PTPRD: variants seen among roughly 807,000 people sequenced by gnomAD.
PTPRD encodes protein tyrosine phosphatase receptor type D, also known as receptor-type tyrosine-protein phosphatase delta.
PTPRD carries 34 observed loss-of-function variants against 214.5 expected under a neutral mutation model. That is an observed-to-expected ratio of 0.16 (90% CI 0.12 to 0.21). The LOEUF (loss-of-function observed/expected upper bound fraction) is 0.21, where lower values mean the gene tolerates loss of function less well. Ranked by LOEUF, PTPRD falls within the 10% of genes least tolerant of loss-of-function variation. The pLI, the probability that PTPRD is intolerant of heterozygous loss-of-function variation, is 1.00. For missense variants in PTPRD, 2,545 were observed against 2,398.7 expected, an observed-to-expected ratio of 1.06 and a Z score of -1.27; for synonymous variants, 1,128 against 845.7, an observed-to-expected ratio of 1.33 and a Z score of -5.79.
chr9:10,475,681 G>C (rs185489167), intron 2 of PTPRD, among the ~76,000 whole-genome samples: 10 of 152,080 alleles, frequency 6.6e-5, no homozygotes, highest in East Asian at 1.9e-4. Flanking sequence ...AACTAGTAAA[G>C]AAAATTTCAG....
intron 11 of PTPRD, among the ~76,000 whole-genome samples, chr9:8,966,969 T>TG (rs1305051581): frequency 1.3e-5 from 2 of 150,774 alleles, no homozygotes; most frequent in African/African-American, 2.4e-5. Context: ...AATAAGCCCA[T>TG]GAAAAAATGG....
intron 9 of PTPRD, among the ~76,000 whole-genome samples, chr9:9,339,798 T>C (rs1011670336): frequency 2.0e-5 from 3 of 152,134 alleles, no homozygotes; most frequent in Non-Finnish European, 4.4e-5. Flanking sequence ...CTCACTACTT[T>C]GAGACTATAG....
chr9:9,365,837 C>A (rs772901420), intron 9 of PTPRD, among the ~76,000 whole-genome samples: 2 of 151,212 alleles, frequency 1.3e-5, no homozygotes, highest in Non-Finnish European at 3.0e-5. Flanking sequence ...CTTAGAATAT[C>A]TAAACTCTAG....
intron 3 of PTPRD, among the ~76,000 whole-genome samples, chr9:10,112,603 C>T (rs1008712562): frequency 6.6e-6 from 1 of 152,028 alleles, no homozygotes; most frequent in African/African-American, 2.4e-5. Context: ...TTAACCCTGC[C>T]CAGGCCGTGG....
At chr9:9,881,125 CAAT>C (rs746888725) in intron 5 of PTPRD, among the ~76,000 whole-genome samples, 1 of 151,744 alleles carries the variant, frequency 6.6e-6, no homozygotes, top group Non-Finnish European at 1.5e-5. Flanking sequence ...AAACTTCACT[CAAT>C]AATTTTTTTA....
rs368361965 is a variant in PTPRD at position 9,975,468 on chromosome 9, C to T, written c.-471-36858G>A. ...TTTGCTGTGTTTCCAGGATTGAGAA[C>T]TGTTGAGCCACTCTGAGTGAGGACC... On this transcript the variant is annotated intron_variant, in intron 4 of 45. Coordinates refer to ENST00000381196, the MANE Select transcript of PTPRD (RefSeq NM_002839.4). Among the ~76,000 whole-genome samples the T allele has an allele frequency of 7.8e-4, 119 of 152,326 alleles. 3 individuals are homozygous for T. The South Asian group carries it at 0.024, about 31-fold the overall frequency.
chr9:9,434,938 T>G (rs1233866146), intron 8 of PTPRD, among the ~76,000 whole-genome samples: 1 of 150,428 alleles, frequency 6.6e-6, no homozygotes, highest in Non-Finnish European at 1.5e-5. Context: ...CTGTTTTCAT[T>G]AGACTTTGAT....
At chr9:8,356,463 C>T (rs978242227) in intron 39 of PTPRD, among the ~76,000 whole-genome samples, 2 of 152,138 alleles carry the variant, frequency 1.3e-5, no homozygotes, top group Non-Finnish European at 2.9e-5. Flanking sequence ...AGGCAGCCAA[C>T]ATTATTATTT....
intron 29 of PTPRD, among the ~76,000 whole-genome samples, chr9:8,485,022 G>C (rs937155832): frequency 1.3e-5 from 2 of 152,108 alleles, no homozygotes; most frequent in African/African-American, 4.8e-5. Flanking sequence ...TGCCAGCCCT[G>C]GATTTAAGCT....
At chr9:8,857,667 C>T in intron 11 of PTPRD, 1 of 159,060 alleles carries the variant, frequency 6.3e-6, no homozygotes, top group Non-Finnish European at 1.4e-5. Context: ...GCAGCCGCCG[C>T]CACCGCCTCC....
intron 4 of PTPRD, among the ~76,000 whole-genome samples, chr9:9,947,452 T>A (rs1451678492): frequency 2.6e-3 from 38 of 14,830 alleles, no homozygotes; most frequent in African/African-American, 0.013. Flanking sequence ...ATTTTATATA[T>A]TTTTATATAT....
intron 11 of PTPRD, among the ~76,000 whole-genome samples, chr9:8,767,034 G>C (rs951952473): frequency 2.0e-5 from 3 of 152,118 alleles, no homozygotes; most frequent in African/African-American, 7.2e-5. Flanking sequence ...TTAAGAAAAA[G>C]AGAAATAGAT....
intron 11 of PTPRD, among the ~76,000 whole-genome samples, chr9:8,759,612 TTTC>T (rs2094272731): frequency 2.1e-5 from 2 of 94,564 alleles, no homozygotes; most frequent in South Asian, 3.7e-4. Flanking sequence ...TCCTGTTACA[TTTC>T]TTTTTTTTTT....
intron 11 of PTPRD, among the ~76,000 whole-genome samples, chr9:9,001,497 T>C (rs1249897328): frequency 1.3e-5 from 2 of 151,996 alleles, no homozygotes; most frequent in African/African-American, 4.8e-5. Context: ...CTGCCTCATT[T>C]CCTTCAGGCA....
chr9:10,388,194 G>A (rs2097963327), intron 2 of PTPRD, among the ~76,000 whole-genome samples: 1 of 151,806 alleles, frequency 6.6e-6, no homozygotes, highest in African/African-American at 2.4e-5. Context: ...GCTATAATAT[G>A]GGTATTTGTA....
At chr9:10,306,485 C>A (rs1027299672) in intron 3 of PTPRD, among the ~76,000 whole-genome samples, 1 of 151,946 alleles carries the variant, frequency 6.6e-6, no homozygotes, top group Non-Finnish European at 1.5e-5. Flanking sequence ...AAATAGTTCT[C>A]ATTATTTTTC....
At chr9:10,276,986 C>A (rs1256526901) in intron 3 of PTPRD, among the ~76,000 whole-genome samples, 2 of 152,086 alleles carry the variant, frequency 1.3e-5, no homozygotes, top group Non-Finnish European at 2.9e-5. Flanking sequence ...CTGGATACCT[C>A]CCTCATGGCA....
rs569494278 is a variant in PTPRD, at chr9:10,248,963, T to A, written c.-545+92000A>T. On this transcript the variant is annotated intron_variant, in intron 3 of 45. Transcript: ENST00000381196. ...AGGGAATTCATATTTACCTAAGGGG[T>A]CAGTAATACGTAGTAGCCTAGAAGT... Among the ~76,000 whole-genome samples the A allele has an allele frequency of 6.2e-4, 95 of 152,032 alleles. 1 individual carries two copies. Among genetic ancestry groups the A allele is most frequent in the Non-Finnish European group, 4.4e-5 (3 of 67,982 alleles).
At chr9:8,978,350 T>G (rs1233896714) in intron 11 of PTPRD, among the ~76,000 whole-genome samples, 1 of 152,098 alleles carries the variant, frequency 6.6e-6, no homozygotes, top group Admixed American at 6.6e-5. Context: ...GGAGTACAAA[T>G]GCTCTGCACT....
Sources: gnomAD v4.1 joint callset for allele counts (sites outside exome capture counted in the v4.1 genomes callset) on GRCh38, gnomAD v4.1.1 for gene constraint, MANE v1.5 for transcripts, NCBI Gene and HGNC (gene_info 2026-07-23, HGNC 2026-07-21) for gene names.